Variants in PITX3 observed in about 807,000 individuals in gnomAD.
PITX3 encodes paired like homeodomain 3.
A neutral mutation model predicts 14.2 loss-of-function variants in PITX3; 4 were observed. That is an observed-to-expected ratio of 0.28 (90% CI 0.14 to 0.65). The LOEUF (loss-of-function observed/expected upper bound fraction) is 0.65, where lower values mean the gene tolerates loss of function less well. PITX3 is among the 30% of genes least tolerant of loss of function. The probability of loss-of-function intolerance (pLI) is 0.82; values close to 1 mark genes in which losing one functional copy is unlikely to be tolerated. For synonymous variants in PITX3, 194 were observed against 204.5 expected, an observed-to-expected ratio of 0.95 and a Z score of 0.44; for missense variants, 358 against 426.8, an observed-to-expected ratio of 0.84 and a Z score of 1.42.
Position 102,230,422 on chromosome 10 carries a change from GGGGC to G in PITX3, c.*88_*91del. ...TGCCCAAACACCCCTTTCAGACCCT[GGGGC>G]GGGAGCAAGCCAGTCAAAATGACCC... On this transcript the variant is annotated 3_prime_UTR_variant, in exon 4 of 4. Transcript: ENST00000370002. 6.6e-7 allele frequency: 1 copy of G among 1,512,736 alleles called. No homozygotes were observed. The highest frequency in any genetic ancestry group is 8.9e-7 in the Non-Finnish European group (1 of 1,124,570). 93.7% of individuals were successfully genotyped at this position (1,512,736 alleles called of 1,614,324 possible). A position where few individuals can be genotyped will look rare whatever the true frequency, so the allele number is the denominator to read the frequency against.
chr10:102,236,280 A>G (rs886561979), intron 1 of PITX3, among the ~76,000 whole-genome samples: 2 of 152,228 alleles, frequency 1.3e-5, no homozygotes, highest in Non-Finnish European at 2.9e-5. Context: ...AGGGAAGAAC[A>G]AGCAGTAGGT....
At chr10:102,231,227 C>T in intron 3 of PITX3, 126 bp from the exon 4 acceptor site, 1 of 975,734 alleles carries the variant, frequency 1.0e-6, no homozygotes. Flanking sequence ...TGGCTAGAGA[C>T]GGGGTGGGAG....
intron 1 of PITX3, among the ~76,000 whole-genome samples, chr10:102,240,199 C>T (rs1267291128): frequency 1.3e-5 from 2 of 152,206 alleles, no homozygotes; most frequent in African/African-American, 4.8e-5. Flanking sequence ...ACTGAGGCTG[C>T]CAGGGGCTTG....
rs1404404469 is a variant in PITX3 at position 102,230,396 on chromosome 10, C to A, written c.*118G>T. 1 of 1,452,010 alleles carries A rather than the reference C, an allele frequency of 6.9e-7. No individual in the cohort carries two copies. The highest frequency in any genetic ancestry group is 9.2e-7 in the Non-Finnish European group (1 of 1,083,034). 89.9% of individuals were successfully genotyped at this position (1,452,010 alleles called of 1,614,324 possible). ...CCTCTCCTGAGCCGGTGCCCCCCAG[C>A]TGCCCAAACACCCCTTTCAGACCCT... On this transcript the variant is annotated 3_prime_UTR_variant, in exon 4 of 4. Coordinates refer to ENST00000370002, the MANE Select transcript of PITX3 (RefSeq NM_005029.4).
At chr10:102,238,172 A>G (rs1409434232) in intron 1 of PITX3, among the ~76,000 whole-genome samples, 1 of 152,094 alleles carries the variant, frequency 6.6e-6, no homozygotes, top group Non-Finnish European at 1.5e-5. Flanking sequence ...CCTCCCCATC[A>G]TTCTTTTCAT....
intron 1 of PITX3, among the ~76,000 whole-genome samples, chr10:102,233,448 C>T (rs2070307933): frequency 6.6e-6 from 1 of 151,782 alleles, no homozygotes; most frequent in African/African-American, 2.4e-5. Flanking sequence ...GGACTACAGG[C>T]ACGTGCCCCC....
Position 102,232,108 on chromosome 10 carries a change from G to A in PITX3, c.-12-16C>T. On this transcript the variant is annotated splice_polypyrimidine_tract_variant and intron_variant, in intron 1 of 3. Coordinates refer to ENST00000370002, the MANE Select transcript of PITX3 (RefSeq NM_005029.4). ...AGGGAGGGCTCTGGAGGCGAGAGAA[G>A]ACACAGACCAGGGTAATGGGGGTAA... The A allele has an allele frequency of 1.4e-6, 2 of 1,417,954 alleles. 1 individual carries two copies. The highest frequency in any genetic ancestry group is 2.0e-6 in the Non-Finnish European group (2 of 1,019,604). 87.8% of individuals were successfully genotyped at this position (1,417,954 alleles called of 1,614,324 possible).
chr10:102,231,600 C>T lies in PITX3; in HGVS notation c.309G>A (p.Glu103=), dbSNP rs1182546636. The change falls in exon 3 of 4, where the codon GAG becomes GAA. Residue 103 remains glutamate, a synonymous_variant. Transcript: ENST00000370002. ...CTGGAGAGCATACCCGCACGCGGGC[C>T]TCGGTGAGGTTGGTCCACACGGCGA... ...EEIAVWTNLT[E]ARVRVWFKNR... The T allele has an allele frequency of 1.2e-6, 2 of 1,604,218 alleles. No individual in the cohort carries two copies. The highest frequency in any genetic ancestry group is 1.7e-6 in the Non-Finnish European group (2 of 1,175,100).
At chr10:102,240,948 C>T (rs2070519557) in intron 1 of PITX3, among the ~76,000 whole-genome samples, 1 of 152,308 alleles carries the variant, frequency 6.6e-6, no homozygotes, top group Non-Finnish European at 1.5e-5. Flanking sequence ...CTGGGGGCCG[C>T]CCCGCCAGCT....
chr10:102,233,304 C>CTT (rs35379060), intron 1 of PITX3, among the ~76,000 whole-genome samples: 4,397 of 107,868 alleles, frequency 0.041, 208 homozygotes, highest in Middle Eastern at 0.073. Flanking sequence ...TTTTTTCCTT[C>CTT]TTTTTTTTTT....
chr10:102,231,632 C>T lies in PITX3; in HGVS notation c.277G>A (p.Glu93Lys). Residue 93 changes from glutamate (E) to lysine (K), a missense_variant, in exon 3 of 4, where the codon GAG becomes AAG. By Grantham distance (56) the Glu-to-Lys change is moderately conservative (BLOSUM62 1). This residue lies in a region of PITX3 where 50 missense variants were observed against 96.7 expected (regional missense o/e 0.52). Transcript: ENST00000370002. ...RNRYPDMSTR[E>K]EIAVWTNLTE... ...AGGTTGGTCCACACGGCGATCTCCTCGCGCGTGCTCATGTCGGGGTAGCGG... is the reference window on the plus strand; with the variant it reads ...AGGTTGGTCCACACGGCGATCTCCTTGCGCGTGCTCATGTCGGGGTAGCGG... The T allele has an allele frequency of 6.2e-7, 1 of 1,611,814 alleles. No homozygotes were observed. The highest frequency in any genetic ancestry group is 8.5e-7 in the Non-Finnish European group (1 of 1,179,040).
rs2070213855 is a variant in PITX3 at position 102,230,969 on chromosome 10, A to T, written c.454T>A (p.Ser152Thr). 1 of 1,607,680 alleles carries T rather than the reference A, an allele frequency of 6.2e-7. No individual in the cohort carries two copies. The highest frequency in any genetic ancestry group is 2.2e-5 in the East Asian group (1 of 44,568). ...GCCTTGGGCGGCCAGTTGCCGTACGAGTAGCCGGGGTACACCTCCTCGTAG... is the reference window on the plus strand; with the variant it reads ...GCCTTGGGCGGCCAGTTGCCGTACGTGTAGCCGGGGTACACCTCCTCGTAG... ...PPYEEVYPGYSYGNWPPKALA... is the reference protein window; with the variant it reads ...PPYEEVYPGYTYGNWPPKALA... Residue 152 changes from serine to threonine, a missense_variant, in exon 4 of 4, where the codon TCG (serine) becomes ACG (threonine). This residue lies in a region of PITX3 where 236 missense variants were observed against 250.2 expected (regional missense o/e 0.94). Coordinates refer to ENST00000370002, the MANE Select transcript of PITX3 (RefSeq NM_005029.4).
rs1364834535 is a variant in PITX3 at position 102,231,925 on chromosome 10, C to T, written c.118+38G>A. 10 of 1,566,712 alleles carry T rather than the reference C, an allele frequency of 6.4e-6. No individual in the cohort carries two copies. In the East Asian group the frequency reaches 1.8e-4, roughly 28 times the overall value. ...GGTCCCACCCGCACTGGGGATGAAG[C>T]TGTTATGTCCTGCACCCCCGGAAGG... is the stretch of plus-strand genomic sequence containing the variant. On this transcript the variant is annotated intron_variant, in intron 2 of 3. Coordinates refer to ENST00000370002, the MANE Select transcript of PITX3 (RefSeq NM_005029.4).
intron 1 of PITX3, among the ~76,000 whole-genome samples, chr10:102,237,471 G>T (rs190410174): frequency 2.6e-3 from 398 of 152,260 alleles, no homozygotes; most frequent in African/African-American, 7.5e-3. Context: ...AACCGAGGGG[G>T]CCTCCAATGG....
chr10:102,233,381 G>A (rs1401211923), intron 1 of PITX3, among the ~76,000 whole-genome samples: 1 of 133,642 alleles, frequency 7.5e-6, no homozygotes, highest in African/African-American at 2.9e-5. Context: ...TCGGCTCACT[G>A]CAACCTCCAC....
At chr10:102,231,869 T>G in intron 2 of PITX3, 79 bp from the exon 3 acceptor site, 1 of 1,566,928 alleles carries the variant, frequency 6.4e-7, no homozygotes. Context: ...CCTAAGCCAC[T>G]CGCTGGCTCC....
intron 1 of PITX3, among the ~76,000 whole-genome samples, chr10:102,236,543 T>A (rs1436414320): frequency 6.6e-6 from 1 of 152,104 alleles, no homozygotes; most frequent in African/African-American, 2.4e-5. Context: ...CAGGCTGGAA[T>A]TACAGGAAGC....
intron 1 of PITX3, among the ~76,000 whole-genome samples, chr10:102,234,523 C>G (rs997089824): frequency 6.6e-6 from 1 of 152,110 alleles, no homozygotes; most frequent in Non-Finnish European, 1.5e-5. Context: ...CAACAATGCT[C>G]TGATGGAAGG....
At chr10:102,238,502 C>T (rs959287618) in intron 1 of PITX3, among the ~76,000 whole-genome samples, 2 of 152,156 alleles carry the variant, frequency 1.3e-5, no homozygotes, top group South Asian at 2.1e-4. Flanking sequence ...CTGAAGTCCA[C>T]GATAGGGTGG....
Sources: gnomAD v4.1 joint callset for allele counts (sites outside exome capture counted in the v4.1 genomes callset) on GRCh38, gnomAD v4.1.1 for gene constraint, gnomAD v4.1.1 regional missense constraint, MANE v1.5 for transcripts, NCBI Gene and HGNC (gene_info 2026-07-23, HGNC 2026-07-21) for gene names.